The following FAM91A1 variants were observed in gnomAD, a reference collection of about 807,000 sequenced individuals.
The protein encoded by FAM91A1 is protein FAM91A1.
Under a neutral mutation model 113.5 loss-of-function variants are expected in FAM91A1, and 41 were observed. That is an observed-to-expected ratio of 0.36 (90% CI 0.28 to 0.47). The LOEUF (loss-of-function observed/expected upper bound fraction) is 0.47. FAM91A1 is among the 20% of genes least tolerant of loss of function. FAM91A1 has a pLI of 1.00. For synonymous variants in FAM91A1, 307 were observed against 347.9 expected, an observed-to-expected ratio of 0.88 and a Z score of 1.31; for missense variants, 696 against 1,001.2, an observed-to-expected ratio of 0.70 and a Z score of 4.11.
intron 15 of FAM91A1, among the ~76,000 whole-genome samples, chr8:123,795,873 A>G (rs372264721): frequency 2.0e-5 from 3 of 152,332 alleles, no homozygotes; most frequent in East Asian, 3.9e-4. Flanking sequence ...GACTGCGCTT[A>G]TCTATAAAGC....
At chr8:123,786,635 A>G in intron 12 of FAM91A1, 25 bp downstream of exon 12, 2 of 1,552,936 alleles carry the variant, frequency 1.3e-6, no homozygotes, top group Non-Finnish European at 8.9e-7. Flanking sequence ...AGTTTAACAT[A>G]GAGTCTGTCT....
Position 123,814,382 on chromosome 8 carries a change from A to G in FAM91A1, c.*1678A>G. On this transcript the variant is annotated 3_prime_UTR_variant, in exon 24 of 24. Coordinates refer to ENST00000334705, the MANE Select transcript of FAM91A1 (RefSeq NM_144963.4). Reference sequence around the variant, plus strand: ...ATCGGGGCTCTTTAATCTCATTTTAATTTCCTTTGTTTGAACTGTAGTTAT... The same window carrying G: ...ATCGGGGCTCTTTAATCTCATTTTAGTTTCCTTTGTTTGAACTGTAGTTAT... The G allele has an allele frequency of 4.8e-6, 1 of 208,102 alleles. No homozygotes were observed. The highest frequency in any genetic ancestry group is 9.6e-6 in the Non-Finnish European group (1 of 103,892). 12.9% of individuals were successfully genotyped at this position (208,102 alleles called of 1,614,324 possible). A position where few individuals can be genotyped will look rare whatever the true frequency, so the allele number is the denominator to read the frequency against.
At chr8:123,811,778 G>C (rs770417048) in intron 23 of FAM91A1, among the ~76,000 whole-genome samples, 15 of 152,144 alleles carry the variant, frequency 9.9e-5, no homozygotes, top group African/African-American at 3.6e-4. Context: ...ATGGAGTCCT[G>C]GGGGGAGGTC....
intron 6 of FAM91A1, 70 bp downstream of exon 6, chr8:123,778,842 T>C (rs754266533): frequency 1.0e-6 from 1 of 999,754 alleles, no homozygotes; most frequent in Non-Finnish European, 1.4e-6. Context: ...TAATTATAGC[T>C]TATAATTTTT....
Position 123,792,965 on chromosome 8 carries a change from C to T in FAM91A1, c.1411+3220C>T, listed in dbSNP as rs1390729285. ...CAATCAGAACAAAATGCTTGTTAGCCAAAGCTTGTTTAAGCTTCTCTCCTT... is the reference window on the plus strand; with the variant it reads ...CAATCAGAACAAAATGCTTGTTAGCTAAAGCTTGTTTAAGCTTCTCTCCTT... On this transcript the variant is annotated intron_variant, in intron 15 of 23. Coordinates refer to ENST00000334705, the MANE Select transcript of FAM91A1 (RefSeq NM_144963.4). Among the ~76,000 whole-genome samples, 3 of 152,258 alleles carry T rather than the reference C, an allele frequency of 2.0e-5. No individual in the cohort carries two copies. The East Asian group carries it at 5.8e-4, about 29-fold the overall frequency.
intron 14 of FAM91A1, 57 bp downstream of exon 14, chr8:123,787,807 G>C: frequency 1.5e-6 from 2 of 1,367,932 alleles, no homozygotes; most frequent in Non-Finnish European, 2.0e-6. Context: ...GTCCTTGCTT[G>C]ACAGAATGCC....
At chr8:123,773,440 G>A (rs13261392) in intron 1 of FAM91A1, among the ~76,000 whole-genome samples, 38,980 of 152,126 alleles carry the variant, frequency 0.26, 6,096 homozygotes, top group African/African-American at 0.43. Flanking sequence ...TCAGGCAAAC[G>A]TTGTTTGCTT....
Position 123,792,973 on chromosome 8 carries a change from G to A in FAM91A1, c.1411+3228G>A, listed in dbSNP as rs75463200. 2.3e-4 allele frequency among the ~76,000 whole-genome samples: 35 copies of A among 152,272 alleles called. No individual in the cohort carries two copies. The East Asian group carries it at 6.8e-3, about 29-fold the overall frequency. On this transcript the variant is annotated intron_variant, in intron 15 of 23. Transcript: ENST00000334705. The stretch of plus-strand genomic sequence containing the variant: ...ACAAAATGCTTGTTAGCCAAAGCTT[G>A]TTTAAGCTTCTCTCCTTCTTCCAGC...
chr8:123,786,049 C>A, intron 11 of FAM91A1: 1 of 393,122 alleles, frequency 2.5e-6, no homozygotes, highest in Non-Finnish European at 5.0e-6. Context: ...GAACTCCTGG[C>A]CCCAACTGAT....
rs375719750 is a variant in FAM91A1, at chr8:123,775,302, A to G, written c.309+4A>G. On this transcript the variant is annotated splice_donor_region_variant and intron_variant, in intron 3 of 23. Coordinates refer to ENST00000334705, the MANE Select transcript of FAM91A1 (RefSeq NM_144963.4). Reference sequence around the variant, plus strand: ...ATATTATACTGGGATTATGGAGGTGAGTTTACAGTGTGGGTGAGCCAGTGG... The same window carrying G: ...ATATTATACTGGGATTATGGAGGTGGGTTTACAGTGTGGGTGAGCCAGTGG... 180 of 1,612,922 alleles carry G rather than the reference A, an allele frequency of 1.1e-4. No homozygotes were observed. The highest frequency in any genetic ancestry group is 1.5e-4 in the Non-Finnish European group (175 of 1,179,430).
chr8:123,803,690 T>G (rs1815740265), intron 18 of FAM91A1, among the ~76,000 whole-genome samples: 1 of 152,204 alleles, frequency 6.6e-6, no homozygotes. Flanking sequence ...GGAAATAAAT[T>G]TACCTTATTG....
intron 18 of FAM91A1, among the ~76,000 whole-genome samples, chr8:123,804,689 AT>A (rs754547558): frequency 3.6e-4 from 54 of 151,920 alleles, no homozygotes; most frequent in South Asian, 1.2e-3. Context: ...TACCTTTTCC[AT>A]TTAGCAATTG....
intron 18 of FAM91A1, 53 bp from the exon 19 acceptor site, chr8:123,805,214 G>A: frequency 7.4e-7 from 1 of 1,358,488 alleles, no homozygotes; most frequent in East Asian, 2.4e-5. Context: ...TTGAATATCA[G>A]TGATTGGAAA....
Position 123,785,682 on chromosome 8 carries a change from A to G in FAM91A1, c.903A>G (p.Val301=). The stretch of plus-strand genomic sequence containing the variant: ...GCTTTGCCCATAAGAAGGGACAAGT[A>G]ATTAATTTGGATCAACTTCATTCAT... ...RLGFAHKKGQ[V]INLDQLHSSW... is the part of the protein sequence containing the mutation. The change falls in exon 11 of 24, where the codon GTA becomes GTG. Residue 301 remains valine (V), a synonymous_variant. Transcript: ENST00000334705. 2 of 1,609,418 alleles carry G rather than the reference A, an allele frequency of 1.2e-6. No individual in the cohort carries two copies. Among genetic ancestry groups the G allele is most frequent in the Non-Finnish European group, 1.7e-6 (2 of 1,178,760 alleles).
intron 18 of FAM91A1, among the ~76,000 whole-genome samples, chr8:123,800,871 G>A (rs1236174323): frequency 1.3e-5 from 2 of 151,902 alleles, no homozygotes; most frequent in African/African-American, 4.8e-5. Context: ...CCTTTTTGAG[G>A]CCAAATAATG....
intron 8 of FAM91A1, 140 bp downstream of exon 8, chr8:123,780,682 A>G (rs978094777): frequency 1.1e-5 from 7 of 619,820 alleles, no homozygotes; most frequent in South Asian, 8.0e-5. Context: ...AACATAGTAC[A>G]TTGGTTTTAC....
At chr8:123,792,403 C>T (rs1015857079) in intron 15 of FAM91A1, among the ~76,000 whole-genome samples, 4 of 152,090 alleles carry the variant, frequency 2.6e-5, no homozygotes, top group African/African-American at 9.7e-5. Context: ...AATAGCACGG[C>T]GTACTGTTTA....
intron 1 of FAM91A1, among the ~76,000 whole-genome samples, chr8:123,773,717 A>G (rs1814912864): frequency 2.0e-5 from 3 of 152,330 alleles, no homozygotes; most frequent in South Asian, 4.1e-4. Context: ...GGGGCAGGAA[A>G]CCATCTATCC....
At chr8:123,785,514 C>T (rs934055285) in intron 10 of FAM91A1, 115 bp from the exon 11 acceptor site, 84 of 711,932 alleles carry the variant, frequency 1.2e-4, no homozygotes, top group Non-Finnish European at 1.7e-4. Context: ...TTTCTGGTTA[C>T]GGGATGAAAA....
Sources: allele counts gnomAD v4.1 joint callset (sites outside exome capture counted in the v4.1 genomes callset), GRCh38; gene constraint gnomAD v4.1.1; transcripts MANE v1.5; gene names NCBI Gene and HGNC (gene_info 2026-07-23, HGNC 2026-07-21).